SORCS1: variants seen among roughly 807,000 people sequenced by gnomAD.
The protein encoded by SORCS1 is VPS10 domain-containing receptor SorCS1.
A neutral mutation model predicts 146.1 loss-of-function variants in SORCS1; 60 were observed. The observed-to-expected ratio is 0.41, with a 90% CI of 0.33 to 0.51. SORCS1 has a LOEUF of 0.51. Ranked by LOEUF, SORCS1 falls within the 20% of genes least tolerant of loss-of-function variation. The probability of loss-of-function intolerance (pLI) is 0.21; values close to 1 mark genes in which losing one functional copy is unlikely to be tolerated. For synonymous variants in SORCS1, 637 were observed against 584.0 expected (o/e 1.09, Z -1.31); for missense variants, 1,352 against 1,487.6 (o/e 0.91, Z 1.50).
intron 1 of SORCS1, among the ~76,000 whole-genome samples, chr10:106,973,728 C>T (rs1050179927): frequency 2.0e-5 from 3 of 152,224 alleles, no homozygotes; most frequent in South Asian, 2.1e-4. Flanking sequence ...AAATGCCCCA[C>T]AGGCTGCTCA....
chr10:106,754,267 A>G (rs1858472784), intron 5 of SORCS1, among the ~76,000 whole-genome samples: 5 of 152,200 alleles, frequency 3.3e-5, no homozygotes, highest in Non-Finnish European at 7.3e-5. Context: ...GGGAAGATAG[A>G]AGCTTCTAGA....
intron 1 of SORCS1, among the ~76,000 whole-genome samples, chr10:107,063,511 C>A (rs1023826037): frequency 6.6e-6 from 1 of 152,066 alleles, no homozygotes; most frequent in African/African-American, 2.4e-5. Flanking sequence ...TCCAGAAAAA[C>A]CAATTCTCAA....
intron 1 of SORCS1, chr10:106,970,249 A>G (rs1412705341): frequency 1.3e-5 from 2 of 151,222 alleles, no homozygotes; most frequent in Admixed American, 1.3e-4. Context: ...CTTAGTAGGT[A>G]CTATTGTCAT....
the SORCS1 span, among the ~76,000 whole-genome samples, chr10:107,171,495 A>G: frequency 6.7e-6 from 1 of 149,592 alleles, no homozygotes; most frequent in Non-Finnish European, 1.5e-5. Context: ...AACTTTAGAA[A>G]AGGTCCAAGG....
At chr10:106,880,005 G>A (rs1436242189) in intron 2 of SORCS1, among the ~76,000 whole-genome samples, 1 of 152,212 alleles carries the variant, frequency 6.6e-6, no homozygotes, top group Non-Finnish European at 1.5e-5. Context: ...ATGGTAATTT[G>A]TTAGGAAGCA....
At chr10:106,770,003 G>A (rs1859891823) in intron 4 of SORCS1, among the ~76,000 whole-genome samples, 1 of 152,194 alleles carries the variant, frequency 6.6e-6, no homozygotes, top group Admixed American at 6.5e-5. Flanking sequence ...TGAGGCAGGA[G>A]AATCGCTGGA....
chr10:106,908,201 A>AT (rs989595028), intron 2 of SORCS1, among the ~76,000 whole-genome samples: 1 of 151,680 alleles, frequency 6.6e-6, no homozygotes, highest in South Asian at 2.1e-4. Context: ...AAGTATTTTC[A>AT]TTTTTTTTCC....
chr10:107,164,489 C>T lies in SORCS1; in HGVS notation c.38G>A (p.Arg13Gln). Reference protein sequence around the residue: ...KVGAGGGSQARLSALLAGAGL... With the variant: ...KVGAGGGSQAQLSALLAGAGL... ...CGCGCCGGCGAGGAGCGCGCTCAGCCGGGCTTGGGAGCCGCCGCCGGCGCC... is the reference window on the plus strand; with the variant it reads ...CGCGCCGGCGAGGAGCGCGCTCAGCTGGGCTTGGGAGCCGCCGCCGGCGCC... The change falls in exon 1 of 26, where the codon CGG becomes CAG. Residue 13 changes from arginine to glutamine, a missense_variant. This residue lies in a region of SORCS1 where 490 missense variants were observed against 489.1 expected (regional missense o/e 1.00). Coordinates refer to ENST00000263054, the MANE Select transcript of SORCS1 (RefSeq NM_052918.5). The surrounding 1 kb of genome is among the most constrained non-coding windows in gnomAD (Gnocchi z 6.8). The T allele has an allele frequency of 1.6e-5, 22 of 1,357,054 alleles. No homozygotes were observed. Among genetic ancestry groups the T allele is most frequent in the Non-Finnish European group, 2.0e-5 (21 of 1,062,320 alleles). The allele number at this position is 1,357,054 out of a possible 1,614,324, so 84.1% of individuals were successfully genotyped here.
chr10:106,906,144 A>G (rs1951900871), intron 2 of SORCS1, among the ~76,000 whole-genome samples: 1 of 152,164 alleles, frequency 6.6e-6, no homozygotes, highest in Non-Finnish European at 1.5e-5. Flanking sequence ...TTGTTTTGAG[A>G]CACTCTGTTG....
At chr10:106,584,954 T>C (rs1396119033) in intron 24 of SORCS1, among the ~76,000 whole-genome samples, 1 of 152,174 alleles carries the variant, frequency 6.6e-6, no homozygotes, top group Non-Finnish European at 1.5e-5. Flanking sequence ...CTGGCTACTA[T>C]GTGAAATATT....
the SORCS1 span, among the ~76,000 whole-genome samples, chr10:107,174,430 G>T: frequency 3.5e-4 from 53 of 152,088 alleles, no homozygotes; most frequent in Non-Finnish European, 6.2e-4. Context: ...GGATGGTCTC[G>T]ATCTCCTGAC....
chr10:106,574,327 A>C lies in SORCS1; in HGVS notation c.*3093T>G, dbSNP rs756317576. ...ATTTTGGAAAACGTTGCAGTATCGG[A>C]TTTTTAGCTTGCCCTGAATCTTACC... On this transcript the variant is annotated 3_prime_UTR_variant, in exon 26 of 26. Coordinates refer to ENST00000263054, the MANE Select transcript of SORCS1 (RefSeq NM_052918.5). 6.6e-6 allele frequency: 1 copy of C among 152,620 alleles called. No individual in the cohort carries two copies. The highest frequency in any genetic ancestry group is 1.5e-5 in the Non-Finnish European group (1 of 68,050). The allele number at this position is 152,620 out of a possible 1,614,324, so 9.5% of individuals were successfully genotyped here. A position where few individuals can be genotyped will look rare whatever the true frequency, so the allele number is the denominator to read the frequency against.
chr10:107,144,955 A>T (rs1968184184), intron 1 of SORCS1, among the ~76,000 whole-genome samples: 1 of 152,244 alleles, frequency 6.6e-6, no homozygotes, highest in Admixed American at 6.5e-5. Flanking sequence ...CAATATACCA[A>T]GGCTTTCTAC....
intron 3 of SORCS1, among the ~76,000 whole-genome samples, chr10:106,820,628 A>G (rs1019558121): frequency 7.2e-5 from 11 of 152,216 alleles, no homozygotes; most frequent in Non-Finnish European, 1.3e-4. Context: ...CACCAGGAGA[A>G]AGCTTGGGGC....
At chr10:106,667,585 A>G (rs895667327) in intron 17 of SORCS1, 104 bp downstream of exon 17, 2 of 751,746 alleles carry the variant, frequency 2.7e-6, no homozygotes, top group African/African-American at 3.5e-5. Context: ...ATTGTGCTGT[A>G]AGGAAATATG....
At chr10:106,610,192 C>A (rs1331266508) in intron 22 of SORCS1, among the ~76,000 whole-genome samples, 2 of 151,818 alleles carry the variant, frequency 1.3e-5, no homozygotes, top group Non-Finnish European at 2.9e-5. Context: ...CCTTCTTTAC[C>A]CCAGTATTCC....
chr10:106,695,364 C>T (rs1853618608), intron 9 of SORCS1, among the ~76,000 whole-genome samples: 1 of 152,136 alleles, frequency 6.6e-6, no homozygotes, highest in African/African-American at 2.4e-5. Context: ...AAAGTCTAAC[C>T]CTATTTACCC....
chr10:107,139,702 G>C (rs1358783928), intron 1 of SORCS1, among the ~76,000 whole-genome samples: 1 of 152,162 alleles, frequency 6.6e-6, no homozygotes, highest in African/African-American at 2.4e-5. Flanking sequence ...ATATCATCTA[G>C]TCTTTTGGCA....
At chr10:106,695,104 G>A (rs759446733) in intron 9 of SORCS1, among the ~76,000 whole-genome samples, 11 of 151,922 alleles carry the variant, frequency 7.2e-5, no homozygotes, top group African/African-American at 1.9e-4. Context: ...ACGATGCACC[G>A]GACCATTCAT....
Sources: gnomAD v4.1 joint callset for allele counts (sites outside exome capture counted in the v4.1 genomes callset) on GRCh38, gnomAD v4.1.1 for gene constraint, gnomAD v4.1.1 regional missense constraint, Gnocchi (gnomAD v3.1) non-coding constraint, MANE v1.5 for transcripts, NCBI Gene and HGNC (gene_info 2026-07-23, HGNC 2026-07-21) for gene names.